The following MUC7 variants were observed in gnomAD, a reference collection of about 807,000 sequenced individuals.
MUC7 encodes mucin 7, secreted.
MUC7 carries 2 observed loss-of-function variants against 2.5 expected under a neutral mutation model. That is an observed-to-expected ratio of 0.81 (90% CI 0.33 to 2.55). The LOEUF is 2.55. MUC7 is among the 30% of genes most tolerant of loss of function. MUC7 has a pLI of 0.11. For synonymous variants in MUC7, 133 were observed against 173.4 expected, an observed-to-expected ratio of 0.77 and a Z score of 1.83; for missense variants, 408 against 455.6, an observed-to-expected ratio of 0.90 and a Z score of 0.95.
rs543145442 is a variant in MUC7, at chr4:70,473,797, C to G, written c.-15-210C>G. ...CAAACTAGTTAGAATAATTCTTGAG[C>G]CTCCTCCATTGCTTCCTCTCTAAAA... is the stretch of plus-strand genomic sequence containing the variant. On this transcript the variant is annotated intron_variant, in intron 1 of 2. Coordinates refer to ENST00000304887, the MANE Select transcript of MUC7 (RefSeq NM_152291.3). 5.9e-5 allele frequency among the ~76,000 whole-genome samples: 9 copies of G among 152,270 alleles called. 1 individual carries two copies. In the South Asian group the frequency reaches 1.9e-3, roughly 32 times the overall value.
intron 1 of MUC7, among the ~76,000 whole-genome samples, chr4:70,465,420 A>C (rs1159684299): frequency 1.3e-5 from 2 of 152,174 alleles, no homozygotes; most frequent in African/African-American, 2.4e-5. Context: ...TGACAGAAGT[A>C]GGCTTCAGAA....
intron 1 of MUC7, among the ~76,000 whole-genome samples, chr4:70,448,801 C>T (rs1734207265): frequency 6.6e-6 from 1 of 152,054 alleles, no homozygotes; most frequent in Non-Finnish European, 1.5e-5. Context: ...TTCATTTTTG[C>T]TTTGGTTTCC....
intron 1 of MUC7, among the ~76,000 whole-genome samples, chr4:70,458,774 A>G (rs1734472260): frequency 6.6e-6 from 1 of 152,142 alleles, no homozygotes; most frequent in South Asian, 2.1e-4. Flanking sequence ...GATTATTTTA[A>G]AAATACAACT....
chr4:70,471,293 G>C (rs1446622672), upstream of MUC7, among the ~76,000 whole-genome samples: 1 of 152,074 alleles, frequency 6.6e-6, no homozygotes, highest in East Asian at 1.9e-4. Context: ...GGGGAAATGG[G>C]AGAAAATTTT....
intron 1 of MUC7, among the ~76,000 whole-genome samples, chr4:70,463,241 CTTGA>C (rs556090195): frequency 3.3e-5 from 5 of 152,268 alleles, no homozygotes; most frequent in Admixed American, 2.6e-4. Flanking sequence ...CAGAAGCTAT[CTTGA>C]TTAACTGGTT....
At chr4:70,440,188 T>A (rs1414940143) in intron 1 of MUC7, among the ~76,000 whole-genome samples, 12 of 152,204 alleles carry the variant, frequency 7.9e-5, no homozygotes, top group Non-Finnish European at 7.4e-5. Flanking sequence ...TACTATTATA[T>A]CTGCATAATA....
At chr4:70,434,832 T>C (rs902475055) in intron 1 of MUC7, among the ~76,000 whole-genome samples, 3 of 152,208 alleles carry the variant, frequency 2.0e-5, no homozygotes, top group African/African-American at 4.8e-5. Context: ...CTGCTTTCTC[T>C]TGTGGGCATT....
intron 2 of MUC7, among the ~76,000 whole-genome samples, chr4:70,477,300 C>T (rs1735032045): frequency 6.6e-6 from 1 of 152,096 alleles, no homozygotes; most frequent in Non-Finnish European, 1.5e-5. Context: ...ATTCCAGCTT[C>T]TAGGGAGGCT....
rs41354348 is a variant in MUC7, at chr4:70,477,139, G to A, written c.54+3064G>A. Among the ~76,000 whole-genome samples, 496 of 152,250 alleles carry A rather than the reference G, an allele frequency of 3.3e-3. 1 individual carries two copies. The highest frequency in any genetic ancestry group is 5.2e-3 in the Non-Finnish European group (353 of 68,012). On this transcript the variant is annotated intron_variant, in intron 2 of 2. Coordinates refer to ENST00000304887, the MANE Select transcript of MUC7 (RefSeq NM_152291.3). The stretch of plus-strand genomic sequence containing the variant: ...TAAATGTAATCTTGGGCCGGGTGCC[G>A]TGGCTCACACCTGTAATTCCAGCAC...
intron 1 of MUC7, among the ~76,000 whole-genome samples, chr4:70,450,990 G>A (rs1423563574): frequency 2.0e-5 from 1 of 51,010 alleles, no homozygotes; most frequent in Non-Finnish European, 5.0e-5. Context: ...CCAGTCCACT[G>A]TCTCTGAGCT....
chr4:70,482,602 C>T lies in MUC7; in HGVS notation c.*724C>T, dbSNP rs3822163. 40,049 of 152,034 alleles carry T rather than the reference C, an allele frequency of 0.26. 5,532 individuals carry two copies. Among genetic ancestry groups the T allele is most frequent in the South Asian group, 0.39 (1,893 of 4,810 alleles). The allele number at this position is 152,034 out of a possible 1,614,324, so 9.4% of individuals were successfully genotyped here. On this transcript the variant is annotated 3_prime_UTR_variant, in exon 3 of 3. Coordinates refer to ENST00000304887, the MANE Select transcript of MUC7 (RefSeq NM_152291.3). ...TATTGTGTTGTGTCTAAGTTAATTT[C>T]GATCTAATGTACCTGATTCTAGCCT...
At chr4:70,468,846 G>T (rs1687707003), upstream of MUC7, among the ~76,000 whole-genome samples, 1 of 152,098 alleles carries the variant, frequency 6.6e-6, no homozygotes, top group Non-Finnish European at 1.5e-5. Flanking sequence ...GTAATTTATA[G>T]ATTCAATGCT....
At chr4:70,463,197 C>CAG (rs1401825270) in intron 1 of MUC7, among the ~76,000 whole-genome samples, 1 of 127,748 alleles carries the variant, frequency 7.8e-6, no homozygotes, top group African/African-American at 2.7e-5. Flanking sequence ...CACTTCAAAC[C>CAG]ACAAAAAAAA....
At chr4:70,446,682 G>T (rs1337902727) in intron 1 of MUC7, among the ~76,000 whole-genome samples, 1 of 152,092 alleles carries the variant, frequency 6.6e-6, no homozygotes. Flanking sequence ...CACATCTTTT[G>T]GTGGACACAA....
intron 1 of MUC7, among the ~76,000 whole-genome samples, chr4:70,458,569 T>A (rs1421653011): frequency 6.6e-6 from 1 of 151,682 alleles, no homozygotes; most frequent in Admixed American, 6.6e-5. Flanking sequence ...CAATAAGTTA[T>A]AAAATTTCCA....
At chr4:70,440,632 G>A (rs1733978678) in intron 1 of MUC7, among the ~76,000 whole-genome samples, 1 of 152,042 alleles carries the variant, frequency 6.6e-6, no homozygotes, top group Non-Finnish European at 1.5e-5. Context: ...ACACATTTAA[G>A]GTAATGGATA....
intron 2 of MUC7, among the ~76,000 whole-genome samples, chr4:70,474,802 T>C (rs1211306172): frequency 6.6e-6 from 1 of 151,914 alleles, no homozygotes; most frequent in Non-Finnish European, 1.5e-5. Context: ...CAGGAGAAGA[T>C]AGGTAGCAGG....
At chr4:70,470,275 G>A (rs1188140762), upstream of MUC7, among the ~76,000 whole-genome samples, 2 of 152,298 alleles carry the variant, frequency 1.3e-5, no homozygotes, top group East Asian at 3.9e-4. Context: ...GGGGCTGGGG[G>A]AGGGATAGCA....
intron 1 of MUC7, among the ~76,000 whole-genome samples, chr4:70,455,843 T>A (rs945257915): frequency 6.6e-6 from 1 of 152,142 alleles, no homozygotes; most frequent in South Asian, 2.1e-4. Context: ...TCTAAGCCCA[T>A]GTTTTCTTAC....
Sources: allele counts gnomAD v4.1 joint callset (sites outside exome capture counted in the v4.1 genomes callset), GRCh38; gene constraint gnomAD v4.1.1; transcripts MANE v1.5; gene names NCBI Gene and HGNC (gene_info 2026-07-23, HGNC 2026-07-21).